The following RANBP2 variants were observed in gnomAD, a reference collection of about 807,000 sequenced individuals.
RANBP2 encodes E3 SUMO-protein ligase RanBP2.
In RANBP2, 57 loss-of-function variants were observed where a neutral mutation model predicts 303.6. That is an observed-to-expected ratio of 0.19 (90% confidence interval 0.15 to 0.23). RANBP2 has a LOEUF of 0.23. RANBP2 is among the 10% of genes least tolerant of loss of function. The pLI, the probability that RANBP2 is intolerant of heterozygous loss-of-function variation, is 1.00. For synonymous variants in RANBP2, 1,167 were observed against 1,301.5 expected, an observed-to-expected ratio of 0.90 and a Z score of 2.23; for missense variants, 3,138 against 3,780.8, an observed-to-expected ratio of 0.83 and a Z score of 4.46.
At chr2:109,371,758 T>C in the RANBP2 span, 1 of 1,262,812 alleles carries the variant, frequency 7.9e-7, no homozygotes, top group Non-Finnish European at 1.1e-6. Context: ...CACCTGACCT[T>C]CAAGCCCCTT....
chr2:108,816,042 T>C, the RANBP2 span: 1 of 1,613,842 alleles, frequency 6.2e-7, no homozygotes, highest in East Asian at 2.2e-5. Flanking sequence ...CTGGAATGGA[T>C]GGTAAAAAAC....
At chr2:109,171,630 T>C in the RANBP2 span, among the ~76,000 whole-genome samples, 1 of 152,218 alleles carries the variant, frequency 6.6e-6, no homozygotes, top group Non-Finnish European at 1.5e-5. Flanking sequence ...TCTGAGACAT[T>C]TCCTGTGCGG....
the RANBP2 span, among the ~76,000 whole-genome samples, chr2:109,010,596 C>T: frequency 1.3e-5 from 2 of 152,114 alleles, no homozygotes; most frequent in African/African-American, 2.4e-5. Flanking sequence ...CACGTGGTGG[C>T]GAGAGGGAGC....
chr2:109,116,178 G>C, the RANBP2 span, among the ~76,000 whole-genome samples: 3 of 152,168 alleles, frequency 2.0e-5, no homozygotes, highest in African/African-American at 7.2e-5. Flanking sequence ...ATGTTGGTCT[G>C]CCTTGCTAGA....
the RANBP2 span, among the ~76,000 whole-genome samples, chr2:108,931,439 A>G: frequency 6.6e-6 from 1 of 152,222 alleles, no homozygotes; most frequent in Non-Finnish European, 1.5e-5. Flanking sequence ...GCCAGGAATT[A>G]GATTCTGGTC....
At chr2:109,378,865 G>A in the RANBP2 span, among the ~76,000 whole-genome samples, 1 of 152,200 alleles carries the variant, frequency 6.6e-6, no homozygotes, top group Admixed American at 6.5e-5. Flanking sequence ...CCCAGTGCTG[G>A]ATAGTTCCCT....
At chr2:109,705,526 C>A in the RANBP2 span, among the ~76,000 whole-genome samples, 1 of 152,222 alleles carries the variant, frequency 6.6e-6, no homozygotes, top group African/African-American at 2.4e-5. Flanking sequence ...TTCTTACCAT[C>A]TTCAGGAGTG....
the RANBP2 span, among the ~76,000 whole-genome samples, chr2:109,133,824 T>C: frequency 2.8e-4 from 42 of 152,106 alleles, no homozygotes; most frequent in African/African-American, 1.0e-3. Context: ...ATTAGCATAG[T>C]TGGGAATAAG....
the RANBP2 span, among the ~76,000 whole-genome samples, chr2:109,692,497 A>G: frequency 6.6e-6 from 1 of 152,194 alleles, no homozygotes; most frequent in Non-Finnish European, 1.5e-5. Flanking sequence ...CAGAACTGAG[A>G]GAAACAAAAT....
At chr2:108,742,185 G>A (rs1300528994) in intron 7 of RANBP2, among the ~76,000 whole-genome samples, 5 of 151,960 alleles carry the variant, frequency 3.3e-5, no homozygotes, top group Admixed American at 2.0e-4. Context: ...TAGTAGAGAC[G>A]GGGTTTCTCC....
chr2:109,375,694 C>T, the RANBP2 span, among the ~76,000 whole-genome samples: 1 of 152,272 alleles, frequency 6.6e-6, no homozygotes, highest in African/African-American at 2.4e-5. Flanking sequence ...ATCCAGAGTT[C>T]TGCCCTCTCT....
chr2:109,455,728 G>A, the RANBP2 span, among the ~76,000 whole-genome samples: 5 of 152,150 alleles, frequency 3.3e-5, no homozygotes, highest in South Asian at 2.1e-4. Flanking sequence ...ACCCTTACTC[G>A]TCCATCCCAG....
chr2:109,247,868 C>T, the RANBP2 span, among the ~76,000 whole-genome samples: 2 of 152,202 alleles, frequency 1.3e-5, no homozygotes, highest in African/African-American at 4.8e-5. Flanking sequence ...CTTATATCCC[C>T]CAAAGGCTAG....
intron 21 of RANBP2, among the ~76,000 whole-genome samples, chr2:108,772,073 A>T (rs1677542724): frequency 6.6e-6 from 1 of 152,166 alleles, no homozygotes; most frequent in Non-Finnish European, 1.5e-5. Context: ...CATTTTTTGG[A>T]TGGCTAATGT....
chr2:108,759,224 T>G (rs1277311660), intron 18 of RANBP2, among the ~76,000 whole-genome samples: 1 of 152,062 alleles, frequency 6.6e-6, no homozygotes, highest in East Asian at 1.9e-4. Context: ...AAAAGTGCTT[T>G]GTGAATGTAA....
At chr2:109,033,984 C>T in the RANBP2 span, among the ~76,000 whole-genome samples, 1 of 143,778 alleles carries the variant, frequency 7.0e-6, no homozygotes, top group African/African-American at 2.6e-5. Context: ...AAGGTTCAGC[C>T]AGGTGTGTTG....
chr2:109,698,421 G>A, the RANBP2 span, among the ~76,000 whole-genome samples: 5 of 151,038 alleles, frequency 3.3e-5, no homozygotes, highest in African/African-American at 9.7e-5. Context: ...AGCTGAGATC[G>A]CGCCACTGCA....
At chr2:109,633,828 G>A in the RANBP2 span, among the ~76,000 whole-genome samples, 1 of 152,026 alleles carries the variant, frequency 6.6e-6, no homozygotes, top group Admixed American at 6.6e-5. Context: ...ATGGGTTGAT[G>A]TGCAAAAAGT....
the RANBP2 span, among the ~76,000 whole-genome samples, chr2:108,892,869 C>G: frequency 1.3e-5 from 2 of 152,272 alleles, no homozygotes; most frequent in Non-Finnish European, 2.9e-5. Context: ...TTCCAGTGTT[C>G]TCTCTTGGAT....
Sources: gnomAD v4.1 joint callset for allele counts (sites outside exome capture counted in the v4.1 genomes callset) on GRCh38, gnomAD v4.1.1 for gene constraint, MANE v1.5 for transcripts, NCBI Gene and HGNC (gene_info 2026-07-23, HGNC 2026-07-21) for gene names.